The following ORMDL3 variants were observed in gnomAD, a reference collection of about 807,000 sequenced individuals.
ORMDL3 encodes ORMDL sphingolipid biosynthesis regulator 3.
Under a neutral mutation model 12.6 loss-of-function variants are expected in ORMDL3, and 6 were observed. That is an observed-to-expected ratio of 0.48 (90% confidence interval 0.26 to 0.94). The LOEUF is 0.94. Among genes scored for constraint, ORMDL3 ranks in the 40% least tolerant of loss-of-function variants. ORMDL3 has a pLI of 0.14. For missense variants in ORMDL3, 159 were observed against 205.5 expected (o/e 0.77, Z 1.38); for synonymous variants, 99 against 87.2 (o/e 1.14, Z -0.75).
intron 2 of ORMDL3, 81 bp from the exon 3 acceptor site, chr17:39,923,344 G>A: frequency 6.8e-7 from 1 of 1,480,318 alleles, no homozygotes; most frequent in Non-Finnish European, 9.3e-7. Context: ...ACAGACACAA[G>A]TAACTCCCAG....
chr17:39,927,533 G>T lies in ORMDL3; in HGVS notation c.-72C>A. ...CCGGGAACGGTTCCCGGGAGCGGGG[G>T]CCGCTGCTGCTCCAGCAGCTGTAAC... On this transcript the variant is annotated 5_prime_UTR_variant, in exon 1 of 4. Coordinates refer to ENST00000304046, the MANE Select transcript of ORMDL3 (RefSeq NM_139280.4). 1.0e-6 allele frequency: 1 copy of T among 985,484 alleles called. No homozygotes were observed. The highest frequency in any genetic ancestry group is 1.2e-6 in the Non-Finnish European group (1 of 829,962). The allele number at this position is 985,484 out of a possible 1,614,324, so 61.0% of individuals were successfully genotyped here.
At chr17:39,926,942 C>A in intron 1 of ORMDL3, 1 of 985,966 alleles carries the variant, frequency 1.0e-6, no homozygotes, top group Non-Finnish European at 1.2e-6. Flanking sequence ...AGGACCACAG[C>A]TGATAACCTC....
chr17:39,927,442 C>G, intron 1 of ORMDL3, 42 bp downstream of exon 1: 1 of 985,726 alleles, frequency 1.0e-6, no homozygotes, highest in Non-Finnish European at 1.2e-6. Flanking sequence ...CTCTCCCGCC[C>G]CTCCCGTAGC....
chr17:39,922,583 G>A lies in ORMDL3; in HGVS notation c.429C>T (p.His143=), dbSNP rs1484054815. ...TATTGATTCCAAAAATCCGGACTCC[G>A]TGGAGCTGGGGCAGCTTGGGGATAA... is the stretch of plus-strand genomic sequence containing the variant. The part of the protein sequence containing the change: ...SVLIPKLPQL[H]GVRIFGINKY The change falls in exon 4 of 4, where the codon CAC becomes CAT. Residue 143 remains histidine (H), a synonymous_variant. Coordinates refer to ENST00000304046, the MANE Select transcript of ORMDL3 (RefSeq NM_139280.4). The A allele has an allele frequency of 1.1e-5, 18 of 1,614,044 alleles. No individual in the cohort carries two copies. Among genetic ancestry groups the A allele is most frequent in the African/African-American group, 1.3e-5 (1 of 74,938 alleles).
chr17:39,923,707 A>G (rs1230688131), intron 2 of ORMDL3, among the ~76,000 whole-genome samples: 1 of 152,144 alleles, frequency 6.6e-6, no homozygotes, highest in Non-Finnish European at 1.5e-5. Flanking sequence ...CCTAGGCACC[A>G]GGACTCTCGG....
intron 1 of ORMDL3, 108 bp downstream of exon 1, chr17:39,927,376 A>C (rs1298484234): frequency 1.8e-4 from 112 of 613,122 alleles, no homozygotes; most frequent in Admixed American, 1.3e-3. Flanking sequence ...TCCACCCCCC[A>C]CTCCCTCTGC....
rs1978302700 is a variant in ORMDL3, at chr17:39,922,462, GCTT to G, written c.*85_*87del. 1 of 1,458,918 alleles carries G rather than the reference GCTT, an allele frequency of 6.9e-7. No homozygotes were observed. Among genetic ancestry groups the G allele is most frequent in the African/African-American group, 1.4e-5 (1 of 70,342 alleles). 90.4% of individuals were successfully genotyped at this position (1,458,918 alleles called of 1,614,324 possible). On this transcript the variant is annotated 3_prime_UTR_variant, in exon 4 of 4. Transcript: ENST00000304046. ...CCCCCATCTCTGGCAGTGTCCAGAG[GCTT>G]CTTCTTTCTGTCTTCAGTGTTGCAG...
At chr17:39,927,461 C>T (rs1978497324) in intron 1 of ORMDL3, 23 bp downstream of exon 1, 1 of 985,546 alleles carries the variant, frequency 1.0e-6, no homozygotes, top group Non-Finnish European at 1.2e-6. Flanking sequence ...GCCCTGGGGC[C>T]TCTTGGTTCC....
chr17:39,922,424 G>T lies in ORMDL3; in HGVS notation c.*126C>A. 8.2e-7 allele frequency: 1 copy of T among 1,223,328 alleles called. No homozygotes were observed. Among genetic ancestry groups the T allele is most frequent in the Non-Finnish European group, 1.1e-6 (1 of 893,508 alleles). 75.8% of individuals were successfully genotyped at this position (1,223,328 alleles called of 1,614,324 possible). ...TGGGGGAAGCGAGGGGGGAAATTAG[G>T]CCAGAGGCTCAACCCCCATCTCTGG... On this transcript the variant is annotated 3_prime_UTR_variant, in exon 4 of 4. Transcript: ENST00000304046.
intron 1 of ORMDL3, chr17:39,927,246 T>TGC: frequency 5.4e-6 from 1 of 185,104 alleles, no homozygotes; most frequent in Non-Finnish European, 1.0e-5. Context: ...GCCGAGCCGC[T>TGC]CCCCGCCTCC....
intron 1 of ORMDL3, 148 bp downstream of exon 1, chr17:39,927,335 GC>G: frequency 2.0e-6 from 1 of 494,118 alleles, no homozygotes; most frequent in Non-Finnish European, 2.6e-6. Flanking sequence ...CACCTCCCCA[GC>G]CGATGCACCC....
In ORMDL3 at chr17:39,922,504, C is replaced by T; in HGVS notation, c.*46G>A. On this transcript the variant is annotated 3_prime_UTR_variant, in exon 4 of 4. Transcript: ENST00000304046. ...TCAGTGTTGCAGCACATGCCTTTTACCCTACCCCTCCCCTGCCACCCTGGG... is the reference window on the plus strand; with the variant it reads ...TCAGTGTTGCAGCACATGCCTTTTATCCTACCCCTCCCCTGCCACCCTGGG... 6.3e-7 allele frequency: 1 copy of T among 1,590,356 alleles called. No homozygotes were observed. Among genetic ancestry groups the T allele is most frequent in the South Asian group, 1.1e-5 (1 of 88,116 alleles).
At position 39,923,112 on chromosome 17, in the gene ORMDL3, A is replaced by G; in HGVS notation, c.326T>C (p.Leu109Pro). Residue 109 changes from leucine to proline, a missense_variant and splice_region_variant, in exon 3 of 4, where the codon CTG becomes CCG. Coordinates refer to ENST00000304046, the MANE Select transcript of ORMDL3 (RefSeq NM_139280.4). ...RKFLTITPIV[L>P]YFLTSFYTKY... The stretch of plus-strand genomic sequence containing the variant: ...GTCTTCCTGTAGCCCAGGCACTCAC[A>G]GCACGATGGGTGTGATGGTCAAGAA... 1 of 1,614,184 alleles carries G rather than the reference A, an allele frequency of 6.2e-7. No homozygotes were observed. Among genetic ancestry groups the G allele is most frequent in the Non-Finnish European group, 8.5e-7 (1 of 1,180,006 alleles).
In ORMDL3 at chr17:39,922,259, C is replaced by A. The variant is rs1598285111; in HGVS notation, c.*291G>T. 2.2e-5 allele frequency: 6 copies of A among 276,080 alleles called. No individual in the cohort carries two copies. The East Asian group carries it at 4.3e-4, about 20-fold the overall frequency. The allele number at this position is 276,080 out of a possible 1,614,324, so 17.1% of individuals were successfully genotyped here. ...CGCAACTGCGTGGTCCATGTTCAGC[C>A]CAGGAGCCCAGCCCATTCCATGACC... On this transcript the variant is annotated 3_prime_UTR_variant, in exon 4 of 4. Transcript: ENST00000304046.
chr17:39,924,178 T>A lies in ORMDL3; in HGVS notation c.26A>T (p.Glu9Val). Reference protein sequence around the residue: MNVGTAHSEVNPNTRVMNS... With the variant: MNVGTAHSVVNPNTRVMNS... ...CATCACCCGCGTGTTGGGGTTCACC[T>A]CGCTGTGCGCTGTGCCCACATTCAT... Residue 9 changes from glutamate (E) to valine (V), a missense_variant, in exon 2 of 4, where the codon GAG (glutamate) becomes GTG (valine). Transcript: ENST00000304046. 6.2e-7 allele frequency: 1 copy of A among 1,611,830 alleles called. No individual in the cohort carries two copies. Among genetic ancestry groups the A allele is most frequent in the Non-Finnish European group, 8.5e-7 (1 of 1,178,714 alleles).
rs548955843 is a variant in ORMDL3, at chr17:39,927,439, G to C, written c.-23+45C>G. The C allele has an allele frequency of 5.1e-6, 5 of 981,782 alleles. No homozygotes were observed. The African/African-American group carries it at 8.9e-5, about 18-fold the overall frequency. 60.8% of individuals were successfully genotyped at this position (981,782 alleles called of 1,614,324 possible). On this transcript the variant is annotated intron_variant, in intron 1 of 3. Coordinates refer to ENST00000304046, the MANE Select transcript of ORMDL3 (RefSeq NM_139280.4). ...CCCAGCAGCCCCCACCTTCTCTCCC[G>C]CCCCTCCCGTAGCCCTGGGGCCTCT...
At chr17:39,926,698 A>T (rs1232819552) in intron 1 of ORMDL3, 6 of 825,642 alleles carry the variant, frequency 7.3e-6, no homozygotes, top group Non-Finnish European at 8.8e-6. Context: ...ACATACAAAT[A>T]TCCGGGCCCA....
chr17:39,927,234 A>T (rs113571956), intron 1 of ORMDL3: 5,190 of 205,154 alleles, frequency 0.025, 270 homozygotes, highest in African/African-American at 0.11. Flanking sequence ...TTTATCCCCG[A>T]AGCCGAGCCG....
Position 39,922,602 on chromosome 17 carries a change from G to A in ORMDL3, c.410C>T (p.Pro137Leu), listed in dbSNP as rs1166845453. 12 of 1,614,186 alleles carry A rather than the reference G, an allele frequency of 7.4e-6. No individual in the cohort carries two copies. Among genetic ancestry groups the A allele is most frequent in the African/African-American group, 1.3e-5 (1 of 75,058 alleles). ...NTVSLMSVLI[P>L]KLPQLHGVRI... Reference sequence around the variant, plus strand: ...GACTCCGTGGAGCTGGGGCAGCTTGGGGATAAGCACGCTCATCAGGGACAC... The same window carrying A: ...GACTCCGTGGAGCTGGGGCAGCTTGAGGATAAGCACGCTCATCAGGGACAC... The change falls in exon 4 of 4, where the codon CCC becomes CTC. Residue 137 changes from proline (P) to leucine (L), a missense_variant. Coordinates refer to ENST00000304046, the MANE Select transcript of ORMDL3 (RefSeq NM_139280.4).
Sources: allele counts gnomAD v4.1 joint callset (sites outside exome capture counted in the v4.1 genomes callset), GRCh38; gene constraint gnomAD v4.1.1; transcripts MANE v1.5; gene names NCBI Gene and HGNC (gene_info 2026-07-23, HGNC 2026-07-21).